Variants in FAR1 observed in about 807,000 individuals in gnomAD.
FAR1 encodes fatty acyl-CoA reductase 1, also known as male sterility domain-containing protein 2.
Under a neutral mutation model 61.1 loss-of-function variants are expected in FAR1, and 22 were observed. The observed-to-expected ratio is 0.36, with a 90% CI of 0.26 to 0.51. The LOEUF (loss-of-function observed/expected upper bound fraction) is 0.51. Ranked by LOEUF, FAR1 falls within the 20% of genes least tolerant of loss-of-function variation. FAR1 has a pLI of 0.95. For missense variants in FAR1, 359 were observed against 626.9 expected (o/e 0.57, Z 4.56); for synonymous variants, 206 against 209.7 (o/e 0.98, Z 0.15).
At chr11:13,688,588 A>G (rs141402461) in intron 1 of FAR1, among the ~76,000 whole-genome samples, 4 of 152,310 alleles carry the variant, frequency 2.6e-5, no homozygotes, top group Non-Finnish European at 5.9e-5. Flanking sequence ...ATGTACACCT[A>G]TGGAAAACTT....
Position 13,710,785 on chromosome 11 carries a change from A to G in FAR1, c.638A>G (p.Tyr213Cys). Residue 213 changes from tyrosine (Y) to cysteine (C), a missense_variant, in exon 5 of 12, where the codon TAT becomes TGT. Physicochemically the swap from Tyr to Cys is radical, Grantham distance 194. Around this residue, in one of 2 missense-constraint regions of FAR1, gnomAD observed 344 missense variants for 570.3 expected, o/e 0.60. Transcript: ENST00000354817. ...ATATACACAAAAGCATTGGCAGAAT[A>G]TGTTGTACAACAAGAAGGAGCAAAA... ...TYIYTKALAEYVVQQEGAKLN... is the reference protein window; with the variant it reads ...TYIYTKALAECVVQQEGAKLN... 2 of 1,613,158 alleles carry G rather than the reference A, an allele frequency of 1.2e-6. No individual in the cohort carries two copies. Among genetic ancestry groups the G allele is most frequent in the Non-Finnish European group, 1.7e-6 (2 of 1,179,524 alleles).
intron 1 of FAR1, among the ~76,000 whole-genome samples, chr11:13,672,770 G>C (rs1013078031): frequency 2.0e-5 from 3 of 152,176 alleles, no homozygotes; most frequent in Non-Finnish European, 2.9e-5. Context: ...TGTATGTACT[G>C]AAAGGTGGTA....
rs141722558 is a variant in FAR1, at chr11:13,719,230, A to C, written c.1128-2500A>C. Among the ~76,000 whole-genome samples the C allele has an allele frequency of 1.4e-3, 220 of 152,330 alleles. 1 individual carries two copies. The highest frequency in any genetic ancestry group is 5.1e-3 in the African/African-American group (212 of 41,580). On this transcript the variant is annotated intron_variant, in intron 9 of 11. Transcript: ENST00000354817. ...AAACGTTAAGGAAACAGTCTTCTTA[A>C]CTGAGGTTTGTGCTGTGTGAGGCTT...
intron 1 of FAR1, among the ~76,000 whole-genome samples, chr11:13,687,179 A>C (rs1423502458): frequency 6.6e-6 from 1 of 152,206 alleles, no homozygotes; most frequent in East Asian, 1.9e-4. Flanking sequence ...GAATTCCTTG[A>C]AAATAATGGT....
chr11:13,727,251 CTTTTT>C (rs773194892), intron 10 of FAR1, among the ~76,000 whole-genome samples: 20 of 151,108 alleles, frequency 1.3e-4, no homozygotes, highest in African/African-American at 4.4e-4. Flanking sequence ...ATAATTTTGT[CTTTTT>C]TTTTCTTTGT....
At chr11:13,676,159 G>A (rs1178034099) in intron 1 of FAR1, among the ~76,000 whole-genome samples, 1 of 152,158 alleles carries the variant, frequency 6.6e-6, no homozygotes, top group East Asian at 1.9e-4. Context: ...TAATTATTAA[G>A]AGTGATAAAA....
intron 10 of FAR1, among the ~76,000 whole-genome samples, chr11:13,725,414 T>C (rs1322460259): frequency 6.7e-6 from 1 of 149,566 alleles, no homozygotes; most frequent in Non-Finnish European, 1.5e-5. Flanking sequence ...ATACATTACC[T>C]AGTACATAAA....
chr11:13,705,345 A>C (rs181430882), intron 3 of FAR1, among the ~76,000 whole-genome samples: 1 of 152,054 alleles, frequency 6.6e-6, no homozygotes, highest in Non-Finnish European at 1.5e-5. Flanking sequence ...TGGCAGAGAG[A>C]TACTAGATGT....
At chr11:13,673,785 CTA>C (rs1383972329) in intron 1 of FAR1, among the ~76,000 whole-genome samples, 2 of 152,154 alleles carry the variant, frequency 1.3e-5, no homozygotes, top group Non-Finnish European at 2.9e-5. Flanking sequence ...GAAATGGTTA[CTA>C]TGTCTTAAAT....
chr11:13,708,440 C>CGCGT (rs1555063914), intron 4 of FAR1, among the ~76,000 whole-genome samples: 6 of 96,932 alleles, frequency 6.2e-5, no homozygotes, highest in Non-Finnish European at 1.3e-4. Flanking sequence ...CATGTGCGCG[C>CGCGT]GCGCGCGCAC....
At chr11:13,671,234 G>C (rs935675898) in intron 1 of FAR1, among the ~76,000 whole-genome samples, 33 of 152,282 alleles carry the variant, frequency 2.2e-4, no homozygotes, top group African/African-American at 7.7e-4. Flanking sequence ...ACTAGAAGTT[G>C]GGATGTGGGT....
chr11:13,718,417 G>T (rs958220398), intron 9 of FAR1, among the ~76,000 whole-genome samples: 1 of 152,104 alleles, frequency 6.6e-6, no homozygotes, highest in Non-Finnish European at 1.5e-5. Flanking sequence ...ATAACCAGAG[G>T]TGACAGTTTG....
intron 1 of FAR1, among the ~76,000 whole-genome samples, chr11:13,685,175 T>A (rs1848172544): frequency 6.6e-6 from 1 of 152,196 alleles, no homozygotes; most frequent in African/African-American, 2.4e-5. Flanking sequence ...CTGAGTAGTG[T>A]TCTAAGGTTG....
chr11:13,720,889 ATAT>A (rs1413637083), intron 9 of FAR1: 3 of 152,052 alleles, frequency 2.0e-5, no homozygotes, highest in African/African-American at 4.8e-5. Flanking sequence ...CTTATAATAA[ATAT>A]TATTGTATAG....
intron 5 of FAR1, 67 bp from the exon 6 acceptor site, chr11:13,711,697 C>G: frequency 2.5e-6 from 3 of 1,223,946 alleles, no homozygotes; most frequent in Non-Finnish European, 3.5e-6. Flanking sequence ...TTGTAGAGTT[C>G]AAATAATAAA....
intron 2 of FAR1, among the ~76,000 whole-genome samples, chr11:13,697,414 A>T (rs1848319774): frequency 6.6e-6 from 1 of 152,086 alleles, no homozygotes; most frequent in East Asian, 1.9e-4. Context: ...GTGAGTTGAG[A>T]TTGCGCCACT....
chr11:13,717,056 T>C (rs894102012), intron 9 of FAR1, among the ~76,000 whole-genome samples: 2 of 150,862 alleles, frequency 1.3e-5, no homozygotes, highest in Middle Eastern at 3.4e-3. Flanking sequence ...TTTTGGAAAG[T>C]ACAATCTGCT....
intron 1 of FAR1, among the ~76,000 whole-genome samples, chr11:13,683,093 A>T (rs931287818): frequency 6.6e-6 from 1 of 152,156 alleles, no homozygotes; most frequent in Non-Finnish European, 1.5e-5. Context: ...AGATAAGCAG[A>T]ATTAATTAAA....
chr11:13,679,396 A>G (rs1848101457), intron 1 of FAR1, among the ~76,000 whole-genome samples: 1 of 152,198 alleles, frequency 6.6e-6, no homozygotes, highest in South Asian at 2.1e-4. Flanking sequence ...AGGAAATTGA[A>G]TACATGTTTT....
Sources: allele counts gnomAD v4.1 joint callset (sites outside exome capture counted in the v4.1 genomes callset), GRCh38; gene constraint gnomAD v4.1.1; regional missense constraint gnomAD v4.1.1; transcripts MANE v1.5; gene names NCBI Gene and HGNC (gene_info 2026-07-23, HGNC 2026-07-21).